Variants in TBCD observed in about 807,000 individuals in gnomAD.
TBCD encodes tubulin folding cofactor D, also known as tubulin-specific chaperone D.
In TBCD, 105 loss-of-function variants were observed where a neutral mutation model predicts 169.3. The observed-to-expected ratio is 0.62, with a 90% CI of 0.53 to 0.73. The LOEUF is 0.73. TBCD is among the 30% of genes least tolerant of loss of function. The probability of loss-of-function intolerance (pLI) is 0.00; values close to 1 mark genes in which losing one functional copy is unlikely to be tolerated. For missense variants in TBCD, 1,444 were observed against 1,600.1 expected (o/e 0.90, Z 1.66); for synonymous variants, 700 against 643.9 (o/e 1.09, Z -1.32).
At chr17:82,842,920 A>G (rs2054647668) in intron 13 of TBCD, among the ~76,000 whole-genome samples, 1 of 151,648 alleles carries the variant, frequency 6.6e-6, no homozygotes, top group African/African-American at 2.4e-5. Context: ...AGCTGGGACT[A>G]CAGGCGCCCT....
chr17:82,920,872 A>C lies in TBCD; in HGVS notation c.2101+254A>C, dbSNP rs536537629. ...CCCCCACCTCCTCGCTTCCATGCCC[A>C]GGGCCCGGCACTCTGGGTCAGTTCT... On this transcript the variant is annotated intron_variant, in intron 24 of 38. Coordinates refer to ENST00000355528, the MANE Select transcript of TBCD (RefSeq NM_005993.5). The surrounding 1 kb of genome is among the most constrained non-coding windows in gnomAD (Gnocchi z 4.1). The C allele has an allele frequency of 3.4e-5, 17 of 503,024 alleles. No individual in the cohort carries two copies. Among genetic ancestry groups the C allele is most frequent in the Non-Finnish European group, 5.7e-5 (16 of 282,780 alleles). The allele number at this position is 503,024 out of a possible 1,614,324, so 31.2% of individuals were successfully genotyped here.
Position 82,764,066 on chromosome 17 carries a change from A to G in TBCD, c.333+4A>G. The G allele has an allele frequency of 6.2e-7, 1 of 1,607,942 alleles. No homozygotes were observed. The highest frequency in any genetic ancestry group is 8.5e-7 in the Non-Finnish European group (1 of 1,174,704). On this transcript the variant is annotated splice_donor_region_variant and intron_variant, in intron 3 of 38. Transcript: ENST00000355528. ...ATTTCTTTACATCATCACCAAGGTAACATTTCCATAGCACTTCAGAGTTGA... is the reference window on the plus strand; with the variant it reads ...ATTTCTTTACATCATCACCAAGGTAGCATTTCCATAGCACTTCAGAGTTGA...
intron 15 of TBCD, among the ~76,000 whole-genome samples, chr17:82,886,662 TCCCC>T (rs2058729312): frequency 3.4e-4 from 1 of 2,920 alleles, no homozygotes; most frequent in African/African-American, 7.0e-4. Context: ...TCCCCTCCCC[TCCCC>T]TCCCCTCCCC....
chr17:82,809,550 C>T (rs552285431), intron 11 of TBCD, among the ~76,000 whole-genome samples, 158 bp from the exon 12 acceptor site: 2 of 152,216 alleles, frequency 1.3e-5, no homozygotes, highest in Admixed American at 6.5e-5. Context: ...TGTTTTAGCG[C>T]GGGGGCTCCA....
At position 82,944,109 on chromosome 17, in the gene TBCD, A is replaced by G. The variant is rs913314311; in HGVS notation, c.*1646A>G. Reference sequence around the variant, plus strand: ...AACATGATGAACTGTTCTTAGTGCAATTAAAAGAAGATTCCAGATAAATGG... The same window carrying G: ...AACATGATGAACTGTTCTTAGTGCAGTTAAAAGAAGATTCCAGATAAATGG... On this transcript the variant is annotated 3_prime_UTR_variant, in exon 39 of 39. Transcript: ENST00000355528. 3.3e-5 allele frequency: 5 copies of G among 152,270 alleles called. No individual in the cohort carries two copies. The highest frequency in any genetic ancestry group is 1.2e-4 in the African/African-American group (5 of 41,476). The allele number at this position is 152,270 out of a possible 1,614,324, so 9.4% of individuals were successfully genotyped here.
intron 22 of TBCD, among the ~76,000 whole-genome samples, chr17:82,909,552 T>G (rs971679158): frequency 3.4e-5 from 5 of 147,472 alleles, no homozygotes. Context: ...GTTGTGTGTT[T>G]GGGTTGAGCG....
chr17:82,904,740 G>C (rs1268821478), intron 19 of TBCD, among the ~76,000 whole-genome samples: 1 of 152,184 alleles, frequency 6.6e-6, no homozygotes, highest in Admixed American at 6.5e-5. Context: ...TGAACATCCT[G>C]TGGGGGCTCG....
Position 82,831,922 on chromosome 17 carries a change from G to A in TBCD, c.1318+16988G>A, listed in dbSNP as rs965277222. On this transcript the variant is annotated intron_variant, in intron 13 of 38. Coordinates refer to ENST00000355528, the MANE Select transcript of TBCD (RefSeq NM_005993.5). This position sits in a 1 kb window ranked among gnomAD's most constrained non-coding sequence, Gnocchi z 4.6. The stretch of plus-strand genomic sequence containing the variant: ...GTTGTGTAAAGCCAGTGTCTCGGGC[G>A]CCTCGGCGTTGTCTGGCCCCTTGAG... 5.6e-6 allele frequency: 9 copies of A among 1,614,172 alleles called. No homozygotes were observed. Among genetic ancestry groups the A allele is most frequent in the African/African-American group, 2.7e-5 (2 of 75,052 alleles).
chr17:82,915,882 T>TGTGGGG lies in TBCD; in HGVS notation c.2038+4097_2038+4102dup, dbSNP rs2060993742. Among the ~76,000 whole-genome samples, 1 of 152,184 alleles carries TGTGGGG rather than the reference T, an allele frequency of 6.6e-6. No individual in the cohort carries two copies. The highest frequency in any genetic ancestry group is 1.5e-5 in the Non-Finnish European group (1 of 68,018). On this transcript the variant is annotated intron_variant, in intron 23 of 38. Coordinates refer to ENST00000355528, the MANE Select transcript of TBCD (RefSeq NM_005993.5). This position sits in a 1 kb window ranked among gnomAD's most constrained non-coding sequence, Gnocchi z 4.3. ...GACACGCTGTTAATGGACTTCCTGC[T>TGTGGGG]GTGGGGGTGAGGGCTCCGTGCTCCA...
chr17:82,797,962 C>CTTT lies in TBCD; in HGVS notation c.817+190_817+192dup, dbSNP rs60671571. On this transcript the variant is annotated intron_variant, in intron 8 of 38. Coordinates refer to ENST00000355528, the MANE Select transcript of TBCD (RefSeq NM_005993.5). The stretch of plus-strand genomic sequence containing the variant: ...TTTGTTGTGGGTTTTAGTAACTGAA[C>CTTT]TTTTTTTTTTTTTTTTTTTTTTTTT... 6.7e-4 allele frequency among the ~76,000 whole-genome samples: 33 copies of CTTT among 49,044 alleles called. 2 individuals are homozygous for CTTT. Among genetic ancestry groups the CTTT allele is most frequent in the African/African-American group, 1.5e-3 (20 of 13,446 alleles). 32.2% of individuals were successfully genotyped at this position (49,044 alleles called of 152,430 possible).
At chr17:82,829,780 A>G (rs2053308947) in intron 13 of TBCD, 1 of 220,360 alleles carries the variant, frequency 4.5e-6, no homozygotes, top group African/African-American at 2.3e-5. Context: ...CATTTACATC[A>G]AATATGCAGC....
chr17:82,770,555 C>T (rs367862458), intron 5 of TBCD, among the ~76,000 whole-genome samples: 2 of 151,024 alleles, frequency 1.3e-5, no homozygotes, highest in African/African-American at 2.4e-5. Context: ...GCCGATATCA[C>T]GCCATTGCAC....
chr17:82,839,341 T>C (rs1030373312), intron 13 of TBCD, among the ~76,000 whole-genome samples: 4 of 151,502 alleles, frequency 2.6e-5, no homozygotes, highest in Non-Finnish European at 4.4e-5. Context: ...AATGTACATA[T>C]ACCACACACA....
intron 19 of TBCD, 85 bp from the exon 20 acceptor site, chr17:82,905,851 G>A (rs1459445073): frequency 5.5e-6 from 6 of 1,095,974 alleles, no homozygotes; most frequent in East Asian, 2.6e-5. Flanking sequence ...CTGCCCTCCC[G>A]GCCCTGTGTG....
At chr17:82,822,482 C>T (rs1044010051) in intron 13 of TBCD, among the ~76,000 whole-genome samples, 1 of 152,162 alleles carries the variant, frequency 6.6e-6, no homozygotes, top group Non-Finnish European at 1.5e-5. Flanking sequence ...CAAAGAGGAA[C>T]GAAGGCTCGC....
intron 14 of TBCD, among the ~76,000 whole-genome samples, chr17:82,873,456 G>T (rs1490624654): frequency 2.0e-5 from 3 of 152,180 alleles, no homozygotes; most frequent in African/African-American, 7.2e-5. Flanking sequence ...ACTGGAGGGT[G>T]ACTGTAATGA....
In TBCD at chr17:82,752,071, G is replaced by A; in HGVS notation, c.-123G>A. On this transcript the variant is annotated 5_prime_UTR_variant, in exon 1 of 39. Transcript: ENST00000355528. The stretch of plus-strand genomic sequence containing the variant: ...TCGGAGGTCGCGGGGCGGGGCCAGC[G>A]TCGGTTGCCGCCTTAGCGGGCGCCT... The A allele has an allele frequency of 1.7e-6, 2 of 1,171,356 alleles. No individual in the cohort carries two copies. Among genetic ancestry groups the A allele is most frequent in the South Asian group, 3.7e-5 (2 of 54,726 alleles). 72.6% of individuals were successfully genotyped at this position (1,171,356 alleles called of 1,614,324 possible).
intron 13 of TBCD, among the ~76,000 whole-genome samples, chr17:82,839,540 C>T (rs999205661): frequency 1.3e-5 from 2 of 152,158 alleles, no homozygotes; most frequent in African/African-American, 2.4e-5. Context: ...ACCCTAAATT[C>T]ACCCTAATGT....
intron 14 of TBCD, among the ~76,000 whole-genome samples, chr17:82,878,579 A>G (rs1414701573): frequency 6.6e-6 from 1 of 152,070 alleles, no homozygotes; most frequent in Non-Finnish European, 1.5e-5. Context: ...GGGCCCATAT[A>G]GTGCCCCACA....
Sources: allele counts gnomAD v4.1 joint callset (sites outside exome capture counted in the v4.1 genomes callset), GRCh38; gene constraint gnomAD v4.1.1; non-coding constraint Gnocchi (gnomAD v3.1); transcripts MANE v1.5; gene names NCBI Gene and HGNC (gene_info 2026-07-23, HGNC 2026-07-21).